The following PPP1R7 variants were observed in gnomAD, a reference collection of about 807,000 sequenced individuals.
PPP1R7 encodes protein phosphatase 1 regulatory subunit 7.
Under a neutral mutation model 45.2 loss-of-function variants are expected in PPP1R7, and 18 were observed. That is an observed-to-expected ratio of 0.40 (90% CI 0.28 to 0.59). The LOEUF is 0.59. PPP1R7 is among the 20% of genes least tolerant of loss of function. PPP1R7 has a pLI of 0.46. For missense variants in PPP1R7, 314 were observed against 455.8 expected, an observed-to-expected ratio of 0.69 and a Z score of 2.83; for synonymous variants, 181 against 183.4, an observed-to-expected ratio of 0.99 and a Z score of 0.11.
Position 241,159,351 on chromosome 2 carries a change from A to C in PPP1R7, c.434+8A>C. 1 of 1,612,014 alleles carries C rather than the reference A, an allele frequency of 6.2e-7. No individual in the cohort carries two copies. The highest frequency in any genetic ancestry group is 8.5e-7 in the Non-Finnish European group (1 of 1,178,754). ...GGCGCTAACAGAGCTGGAGTGAGTCATGAGACCCACAGGAGAACAGCATGG... is the reference window on the plus strand; with the variant it reads ...GGCGCTAACAGAGCTGGAGTGAGTCCTGAGACCCACAGGAGAACAGCATGG... On this transcript the variant is annotated splice_region_variant and intron_variant, in intron 5 of 9. Coordinates refer to ENST00000234038, the MANE Select transcript of PPP1R7 (RefSeq NM_002712.3).
chr2:241,168,301 C>G (rs1433623666), intron 8 of PPP1R7, among the ~76,000 whole-genome samples: 1 of 152,154 alleles, frequency 6.6e-6, no homozygotes, highest in Non-Finnish European at 1.5e-5. Flanking sequence ...CCGGCTCTGC[C>G]CCTCGTGCTG....
chr2:241,173,269 CAA>C (rs540011262), intron 9 of PPP1R7, among the ~76,000 whole-genome samples: 5 of 90,668 alleles, frequency 5.5e-5, no homozygotes, highest in South Asian at 9.3e-4. Flanking sequence ...AAGACTTTCT[CAA>C]AAAAAAAAAA....
chr2:241,169,701 C>A, intron 8 of PPP1R7, 80 bp from the exon 9 acceptor site: 4 of 1,199,862 alleles, frequency 3.3e-6, no homozygotes, highest in Non-Finnish European at 4.9e-6. Flanking sequence ...CTAAGGTCAG[C>A]ACTTGACACT....
chr2:241,149,829 C>T (rs1174328380), upstream of PPP1R7: 3 of 1,508,102 alleles, frequency 2.0e-6, no homozygotes, highest in Non-Finnish European at 2.6e-6. Context: ...CCGCACTGGG[C>T]TGGGAACGAC....
chr2:241,173,582 T>C (rs1245800454), intron 9 of PPP1R7, among the ~76,000 whole-genome samples: 2 of 152,202 alleles, frequency 1.3e-5, no homozygotes, highest in African/African-American at 2.4e-5. Flanking sequence ...GTTAACTGGG[T>C]CTGTGAATCT....
At chr2:241,167,211 C>T (rs1379620162) in intron 8 of PPP1R7, 1 of 756,076 alleles carries the variant, frequency 1.3e-6, no homozygotes, top group South Asian at 2.5e-5. Flanking sequence ...AAATTGCCAG[C>T]AAATACAACC....
At chr2:241,160,286 C>G (rs2067555817) in intron 5 of PPP1R7, 46 bp from the exon 6 acceptor site, 1 of 1,513,736 alleles carries the variant, frequency 6.6e-7, no homozygotes, top group Non-Finnish European at 8.9e-7. Context: ...TCTATGCAAC[C>G]TATGCTCGTG....
Position 241,153,926 on chromosome 2 carries a change from A to G in PPP1R7, c.181+322A>G, listed in dbSNP as rs1057089011. On this transcript the variant is annotated intron_variant, in intron 2 of 9. Transcript: ENST00000234038. ...GCCAGATGCAGTGGCTCATGCCTGT[A>G]ATCCCAGCACTTTGGAAGGCCAAGG... Among the ~76,000 whole-genome samples, 5 of 152,298 alleles carry G rather than the reference A, an allele frequency of 3.3e-5. No homozygotes were observed. In the South Asian group the frequency reaches 1.0e-3, roughly 32 times the overall value.
chr2:241,158,090 G>T (rs2067500969), intron 3 of PPP1R7, among the ~76,000 whole-genome samples: 1 of 152,196 alleles, frequency 6.6e-6, no homozygotes, highest in East Asian at 1.9e-4. Flanking sequence ...TACATTGTCT[G>T]GGTCTGATGA....
chr2:241,153,204 C>T (rs2067362447), intron 1 of PPP1R7, among the ~76,000 whole-genome samples: 1 of 152,218 alleles, frequency 6.6e-6, no homozygotes, highest in Non-Finnish European at 1.5e-5. Flanking sequence ...GCTTTCAGAA[C>T]ACTGGGCAAT....
At chr2:241,157,908 C>A in intron 3 of PPP1R7, 46 bp downstream of exon 3, 3 of 1,562,250 alleles carry the variant, frequency 1.9e-6, no homozygotes, top group Non-Finnish European at 2.6e-6. Context: ...TGATGGACCA[C>A]CCTGTCAGGT....
chr2:241,165,327 C>T (rs1186398403), intron 7 of PPP1R7, among the ~76,000 whole-genome samples: 4 of 151,894 alleles, frequency 2.6e-5, no homozygotes, highest in Non-Finnish European at 5.9e-5. Context: ...CCACCACGCC[C>T]GGCTAATTTT....
chr2:241,157,458 G>C (rs1158144991), intron 2 of PPP1R7, among the ~76,000 whole-genome samples: 1 of 152,242 alleles, frequency 6.6e-6, no homozygotes, highest in Non-Finnish European at 1.5e-5. Flanking sequence ...AAAGGCAGTA[G>C]TGCTACCCTG....
chr2:241,166,682 G>A (rs1212724803), intron 8 of PPP1R7, among the ~76,000 whole-genome samples: 1 of 152,216 alleles, frequency 6.6e-6, no homozygotes, highest in African/African-American at 2.4e-5. Context: ...AAGGGCTGAC[G>A]CTTTATGTGG....
At chr2:241,169,737 T>C in intron 8 of PPP1R7, 44 bp from the exon 9 acceptor site, 1 of 1,520,012 alleles carries the variant, frequency 6.6e-7, no homozygotes, top group Admixed American at 1.7e-5. Context: ...CAAATCACTG[T>C]TGATCAGAGG....
rs550720360 is a variant in PPP1R7, at chr2:241,159,477, A to G, written c.434+134A>G. ...CCTCTGCCACAGGGTCCTGCCCTGC[A>G]TCTGAATCCCAAGTCTCTGCCTCCT... On this transcript the variant is annotated intron_variant, in intron 5 of 9. Transcript: ENST00000234038. 8.8e-6 allele frequency: 10 copies of G among 1,142,414 alleles called. No individual in the cohort carries two copies. In the South Asian group the frequency reaches 9.9e-5, roughly 11 times the overall value. 70.8% of individuals were successfully genotyped at this position (1,142,414 alleles called of 1,614,324 possible).
chr2:241,171,597 T>C (rs1470714212), intron 9 of PPP1R7, among the ~76,000 whole-genome samples: 2 of 152,238 alleles, frequency 1.3e-5, no homozygotes, highest in Non-Finnish European at 2.9e-5. Flanking sequence ...TTGTTGATTT[T>C]TCTGCCTATT....
chr2:241,174,970 C>T (rs1344094715), intron 9 of PPP1R7, among the ~76,000 whole-genome samples: 2 of 152,134 alleles, frequency 1.3e-5, no homozygotes, highest in Non-Finnish European at 2.9e-5. Context: ...CCACCGCGCC[C>T]GGCCTATTCT....
rs1335521238 is a variant in PPP1R7, at chr2:241,150,495, C to T, written c.-1C>T. 6.3e-7 allele frequency: 1 copy of T among 1,597,630 alleles called. No individual in the cohort carries two copies. Among genetic ancestry groups the T allele is most frequent in the South Asian group, 1.1e-5 (1 of 89,116 alleles). On this transcript the variant is annotated 5_prime_UTR_variant, in exon 1 of 10. Transcript: ENST00000234038. ...TTCCGGAAAGGGGAAGAGCAGCCAA[C>T]ATGGCGGCGGAACGCGGCGCGGGGC...
Sources: allele counts gnomAD v4.1 joint callset (sites outside exome capture counted in the v4.1 genomes callset), GRCh38; gene constraint gnomAD v4.1.1; transcripts MANE v1.5; gene names NCBI Gene and HGNC (gene_info 2026-07-23, HGNC 2026-07-21).